PRKCA: variants seen among roughly 807,000 people sequenced by gnomAD.
The protein encoded by PRKCA is protein kinase C alpha type.
PRKCA carries 27 observed loss-of-function variants against 87.0 expected under a neutral mutation model. That is an observed-to-expected ratio of 0.31 (90% CI 0.23 to 0.43). The LOEUF is 0.43. PRKCA is among the 20% of genes least tolerant of loss of function. PRKCA has a pLI of 1.00. For synonymous variants in PRKCA, 329 were observed against 311.1 expected (o/e 1.06, Z -0.61); for missense variants, 518 against 852.3 (o/e 0.61, Z 4.88).
chr17:66,715,200 T>C (rs1453629593), intron 8 of PRKCA, among the ~76,000 whole-genome samples: 1 of 151,856 alleles, frequency 6.6e-6, no homozygotes, highest in Non-Finnish European at 1.5e-5. Flanking sequence ...TGCACAGCCA[T>C]GGAGGGAAGG....
At chr17:66,736,284 CT>C (rs148439214) in intron 10 of PRKCA, among the ~76,000 whole-genome samples, 76 of 144,052 alleles carry the variant, frequency 5.3e-4, no homozygotes, top group Middle Eastern at 3.7e-3. Context: ...ACAGTCTTGG[CT>C]TTTTTTTTTT....
chr17:66,361,468 C>T (rs1442053556), intron 2 of PRKCA, among the ~76,000 whole-genome samples: 3 of 151,940 alleles, frequency 2.0e-5, no homozygotes, highest in African/African-American at 4.8e-5. Context: ...CCCGCCACCA[C>T]GCCTGGCTAA....
At chr17:66,733,814 A>G (rs1026745058) in intron 9 of PRKCA, among the ~76,000 whole-genome samples, 3 of 152,196 alleles carry the variant, frequency 2.0e-5, no homozygotes, top group Non-Finnish European at 4.4e-5. Flanking sequence ...TAAATAAAAA[A>G]AGGTGGAAGT....
At chr17:66,398,092 C>T (rs4261587) in intron 2 of PRKCA, 127,229 of 152,100 alleles carry the variant, frequency 0.84, 53,649 homozygotes, top group South Asian at 0.94. Flanking sequence ...ATTTTATTGA[C>T]GATAGAATCA....
chr17:66,489,372 TATATATATATATATATATATATA>T (rs1567854884), intron 2 of PRKCA, among the ~76,000 whole-genome samples: 5 of 101,896 alleles, frequency 4.9e-5, no homozygotes, highest in Non-Finnish European at 1.1e-4. Flanking sequence ...TATATATATA[TATATATATATATATATATATATA>T]TTTCCCCCCT....
intron 3 of PRKCA, among the ~76,000 whole-genome samples, chr17:66,522,502 T>A (rs1967194970): frequency 6.6e-6 from 1 of 151,962 alleles, no homozygotes; most frequent in Non-Finnish European, 1.5e-5. Flanking sequence ...GGGATGGAAA[T>A]GGAAGCTCCT....
intron 3 of PRKCA, among the ~76,000 whole-genome samples, chr17:66,514,456 G>C (rs1966897034): frequency 6.6e-6 from 1 of 152,102 alleles, no homozygotes; most frequent in African/African-American, 2.4e-5. Context: ...GTGTCATCCT[G>C]GGATTCAAAC....
chr17:66,577,923 G>T (rs1196107397), intron 3 of PRKCA, among the ~76,000 whole-genome samples: 1 of 151,892 alleles, frequency 6.6e-6, no homozygotes, highest in African/African-American at 2.4e-5. Flanking sequence ...CTTAGCTTCC[G>T]ACCCCTGTCA....
intron 3 of PRKCA, among the ~76,000 whole-genome samples, chr17:66,626,649 C>T (rs1004859560): frequency 6.6e-6 from 1 of 151,742 alleles, no homozygotes; most frequent in African/African-American, 2.4e-5. Context: ...GGATTACAGG[C>T]GTGAGCCATC....
chr17:66,795,502 G>C (rs1397700637), intron 16 of PRKCA, among the ~76,000 whole-genome samples: 1 of 152,170 alleles, frequency 6.6e-6, no homozygotes, highest in Non-Finnish European at 1.5e-5. Context: ...CTTTTACTTG[G>C]CTAATTAGAG....
At chr17:66,660,537 C>A (rs908838779) in intron 5 of PRKCA, among the ~76,000 whole-genome samples, 3 of 152,096 alleles carry the variant, frequency 2.0e-5, no homozygotes, top group Non-Finnish European at 2.9e-5. Context: ...CCTTCATTTT[C>A]ATGCATAAAA....
intron 8 of PRKCA, among the ~76,000 whole-genome samples, chr17:66,693,657 G>A (rs573022547): frequency 1.4e-4 from 21 of 152,264 alleles, no homozygotes; most frequent in Non-Finnish European, 2.9e-4. Flanking sequence ...TCCACCTTGC[G>A]TTAGAGGCAG....
chr17:66,734,830 A>C (rs983286025), intron 9 of PRKCA, among the ~76,000 whole-genome samples: 8 of 152,200 alleles, frequency 5.3e-5, no homozygotes, highest in African/African-American at 1.7e-4. Flanking sequence ...ATCAGAGTGC[A>C]CAGTCCTCAC....
intron 11 of PRKCA, 68 bp downstream of exon 11, chr17:66,738,923 T>C (rs1974097844): frequency 1.5e-6 from 2 of 1,310,972 alleles, no homozygotes; most frequent in Non-Finnish European, 2.2e-6. Flanking sequence ...CTTCCTTTTT[T>C]CCCCCCCGCT....
chr17:66,550,093 G>GTC (rs1968279620), intron 3 of PRKCA, among the ~76,000 whole-genome samples: 1 of 152,028 alleles, frequency 6.6e-6, no homozygotes, highest in Non-Finnish European at 1.5e-5. Context: ...ACTTCCCAGT[G>GTC]TCTCACACAC....
rs115722536 is a variant in PRKCA, at chr17:66,616,974, T to C, written c.289-24381T>C. 4.9e-3 allele frequency among the ~76,000 whole-genome samples: 747 copies of C among 152,076 alleles called. 10 individuals are homozygous for C. Among genetic ancestry groups the C allele is most frequent in the African/African-American group, 0.017 (723 of 41,470 alleles). On this transcript the variant is annotated intron_variant, in intron 3 of 16. Coordinates refer to ENST00000413366, the MANE Select transcript of PRKCA (RefSeq NM_002737.3). ...CTGAAGGTTGGGTACGAACGGGACA[T>C]AGGGCTGAACAGTTCACATTGTTAA...
At chr17:66,437,015 G>T (rs1913431124) in intron 2 of PRKCA, among the ~76,000 whole-genome samples, 1 of 152,166 alleles carries the variant, frequency 6.6e-6, no homozygotes, top group South Asian at 2.1e-4. Context: ...CGTGATGGGA[G>T]ATTATAGGAA....
At chr17:66,522,510 C>T (rs917770732) in intron 3 of PRKCA, among the ~76,000 whole-genome samples, 3 of 152,016 alleles carry the variant, frequency 2.0e-5, no homozygotes, top group African/African-American at 7.2e-5. Context: ...AATGGAAGCT[C>T]CTGTTTGTGA....
rs568808475 is a variant in PRKCA at position 66,343,172 on chromosome 17, CCATAGGTTATATGT to C, written c.205+37049_205+37062del. Among the ~76,000 whole-genome samples, 538 of 151,878 alleles carry C rather than the reference CCATAGGTTATATGT, an allele frequency of 3.5e-3. 2 individuals carry two copies. The highest frequency in any genetic ancestry group is 5.5e-3 in the Non-Finnish European group (375 of 67,972). On this transcript the variant is annotated intron_variant, in intron 2 of 16. Coordinates refer to ENST00000413366, the MANE Select transcript of PRKCA (RefSeq NM_002737.3). ...CATCTTGTTTGGTTTACCGTGCTGA[CCATAGGTTATATGT>C]CATTTTATGCATATAAGTTTAAGTA...
Sources: allele counts gnomAD v4.1 joint callset (sites outside exome capture counted in the v4.1 genomes callset), GRCh38; gene constraint gnomAD v4.1.1; transcripts MANE v1.5; gene names NCBI Gene and HGNC (gene_info 2026-07-23, HGNC 2026-07-21).